The following AMER2 variants were observed in gnomAD, a reference collection of about 807,000 sequenced individuals.
AMER2 encodes family with sequence similarity 123A.
In AMER2, 1 loss-of-function variant was observed where a neutral mutation model predicts 4.7. The ratio of observed to expected loss-of-function variants is 0.21; its 90% CI spans 0.07 to 1.00. AMER2 has a LOEUF of 1.00. Ranked by LOEUF, AMER2 falls within the 50% of genes least tolerant of loss-of-function variation. AMER2 has a pLI of 0.60. For missense variants in AMER2, 988 were observed against 966.9 expected (o/e 1.02, Z -0.29); for synonymous variants, 485 against 433.3 (o/e 1.12, Z -1.48).
rs1397710064 is a variant in AMER2, at chr13:25,164,313, C to T, written c.*5291G>A. On this transcript the variant is annotated 3_prime_UTR_variant, in exon 1 of 1. Transcript: ENST00000515384. ...CCATGACAACAGAAGAGATTTCTGTCTGTACTTCCCACATTAATCCTAAGA... is the reference window on the plus strand; with the variant it reads ...CCATGACAACAGAAGAGATTTCTGTTTGTACTTCCCACATTAATCCTAAGA... The T allele has an allele frequency of 1.3e-5, 2 of 151,998 alleles. No individual in the cohort carries two copies. Among genetic ancestry groups the T allele is most frequent in the Non-Finnish European group, 2.9e-5 (2 of 68,012 alleles). 9.4% of individuals were successfully genotyped at this position (151,998 alleles called of 1,614,324 possible). A position where few individuals can be genotyped will look rare whatever the true frequency, so the allele number is the denominator to read the frequency against.
At position 25,171,788 on chromosome 13, in the gene AMER2, T is replaced by G; in HGVS notation, c.-169A>C. 1 of 1,283,328 alleles carries G rather than the reference T, an allele frequency of 7.8e-7. No homozygotes were observed. The highest frequency in any genetic ancestry group is 9.9e-7 in the Non-Finnish European group (1 of 1,012,270). The allele number at this position is 1,283,328 out of a possible 1,614,324, so 79.5% of individuals were successfully genotyped here. A position where few individuals can be genotyped will look rare whatever the true frequency, so the allele number is the denominator to read the frequency against. On this transcript the variant is annotated 5_prime_UTR_variant, in exon 1 of 1. Transcript: ENST00000515384. This position sits in a 1 kb window ranked among gnomAD's most constrained non-coding sequence, Gnocchi z 5.9. Reference sequence around the variant, plus strand: ...GGGCTTATATAATACCCTAACCCACTTCCATCCGACTTGGCTCGGCGCTGC... The same window carrying G: ...GGGCTTATATAATACCCTAACCCACGTCCATCCGACTTGGCTCGGCGCTGC...
chr13:25,169,876 A>G lies in AMER2; in HGVS notation c.1744T>C (p.Ser582Pro). 1 of 1,614,106 alleles carries G rather than the reference A, an allele frequency of 6.2e-7. No homozygotes were observed. The highest frequency in any genetic ancestry group is 8.5e-7 in the Non-Finnish European group (1 of 1,180,008). The part of the protein sequence containing the change: ...GKDNEETSSL[S>P]RLKPVSPGTI... Reference sequence around the variant, plus strand: ...CCTGGAGATACGGGCTTTAACCGGGACAGGGAGGACGTCTCCTCGTTGTCC... The same window carrying G: ...CCTGGAGATACGGGCTTTAACCGGGGCAGGGAGGACGTCTCCTCGTTGTCC... The change falls in exon 1 of 1, where the codon TCC becomes CCC. Residue 582 changes from serine (S) to proline (P), a missense_variant. Transcript: ENST00000515384. This position sits in a 1 kb window ranked among gnomAD's most constrained non-coding sequence, Gnocchi z 4.2.
rs1956461327 is a variant in AMER2, at chr13:25,165,133, A to G, written c.*4471T>C. ...GAAGGAACTCCTTTCCGTAATCACG[A>G]AACTATCATTCTGAATCACCTCTTA... On this transcript the variant is annotated 3_prime_UTR_variant, in exon 1 of 1. Coordinates refer to ENST00000515384, the MANE Select transcript of AMER2 (RefSeq NM_152704.4). The G allele has an allele frequency of 6.6e-6, 1 of 152,250 alleles. No individual in the cohort carries two copies. Among genetic ancestry groups the G allele is most frequent in the Non-Finnish European group, 1.5e-5 (1 of 68,036 alleles). 9.4% of individuals were successfully genotyped at this position (152,250 alleles called of 1,614,324 possible). A position where few individuals can be genotyped will look rare whatever the true frequency, so the allele number is the denominator to read the frequency against.
rs1159102290 is a variant in AMER2, at chr13:25,167,518, G to A, written c.*2086C>T. ...TTTGTCTGTTAGTCTGTACACAGTT[G>A]AGTGCATGAGCACGTGAGTGTGAGA... On this transcript the variant is annotated 3_prime_UTR_variant, in exon 1 of 1. Coordinates refer to ENST00000515384, the MANE Select transcript of AMER2 (RefSeq NM_152704.4). 1 of 152,142 alleles carries A rather than the reference G, an allele frequency of 6.6e-6. No homozygotes were observed. The highest frequency in any genetic ancestry group is 1.5e-5 in the Non-Finnish European group (1 of 67,996). 9.4% of individuals were successfully genotyped at this position (152,142 alleles called of 1,614,324 possible). A position where few individuals can be genotyped will look rare whatever the true frequency, so the allele number is the denominator to read the frequency against.
rs1309944855 is a variant in AMER2, at chr13:25,162,578, T to G, written c.*7026A>C. 1.3e-5 allele frequency: 2 copies of G among 152,218 alleles called. No homozygotes were observed. Among genetic ancestry groups the G allele is most frequent in the African/African-American group, 4.8e-5 (2 of 41,444 alleles). 9.4% of individuals were successfully genotyped at this position (152,218 alleles called of 1,614,324 possible). On this transcript the variant is annotated 3_prime_UTR_variant, in exon 1 of 1. Transcript: ENST00000515384. The stretch of plus-strand genomic sequence containing the variant: ...GTTTCATTGATTCCTTCAGGCCACC[T>G]GGAGCCATTTCAAGGCAAGTGAACA...
chr13:25,171,635 T>C lies in AMER2; in HGVS notation c.-16A>G. 6.8e-7 allele frequency: 1 copy of C among 1,462,968 alleles called. No individual in the cohort carries two copies. The highest frequency in any genetic ancestry group is 8.9e-7 in the Non-Finnish European group (1 of 1,120,014). The allele number at this position is 1,462,968 out of a possible 1,614,324, so 90.6% of individuals were successfully genotyped here. A position where few individuals can be genotyped will look rare whatever the true frequency, so the allele number is the denominator to read the frequency against. ...TCGTCTCCATGGAAACCGCGCGGGA[T>C]AAGCCGCTTTCGTCAGCAGTGGGCT... On this transcript the variant is annotated 5_prime_UTR_variant, in exon 1 of 1. Coordinates refer to ENST00000515384, the MANE Select transcript of AMER2 (RefSeq NM_152704.4). The surrounding 1 kb of genome is among the most constrained non-coding windows in gnomAD (Gnocchi z 5.9).
At position 25,171,846 on chromosome 13, in the gene AMER2, G is replaced by A. The variant is rs1956589361; in HGVS notation, c.-227C>T. 1.3e-6 allele frequency: 1 copy of A among 770,520 alleles called. No individual in the cohort carries two copies. The highest frequency in any genetic ancestry group is 4.3e-5 in the Admixed American group (1 of 23,234). 47.7% of individuals were successfully genotyped at this position (770,520 alleles called of 1,614,324 possible). On this transcript the variant is annotated 5_prime_UTR_variant, in exon 1 of 1. Transcript: ENST00000515384. This position sits in a 1 kb window ranked among gnomAD's most constrained non-coding sequence, Gnocchi z 5.9. ...TTTTGTGGCAGGAGCAGGCAACACAGCCGCGAGCTGATTGCAGAAATTCGA... is the reference window on the plus strand; with the variant it reads ...TTTTGTGGCAGGAGCAGGCAACACAACCGCGAGCTGATTGCAGAAATTCGA...
In AMER2 at chr13:25,164,630, A is replaced by T. The variant is rs1231480144; in HGVS notation, c.*4974T>A. The T allele has an allele frequency of 6.7e-6, 1 of 149,574 alleles. No homozygotes were observed. The highest frequency in any genetic ancestry group is 6.8e-5 in the Admixed American group (1 of 14,810). 9.3% of individuals were successfully genotyped at this position (149,574 alleles called of 1,614,324 possible). Reference sequence around the variant, plus strand: ...ATGGAAAGGGATAGAAACAAAAAGGATGAATTAAAGCTGTCTTACTGGGGA... The same window carrying T: ...ATGGAAAGGGATAGAAACAAAAAGGTTGAATTAAAGCTGTCTTACTGGGGA... On this transcript the variant is annotated 3_prime_UTR_variant, in exon 1 of 1. Coordinates refer to ENST00000515384, the MANE Select transcript of AMER2 (RefSeq NM_152704.4).
rs2137435830 is a variant in AMER2 at position 25,166,843 on chromosome 13, A to G, written c.*2761T>C. 1 of 152,298 alleles carries G rather than the reference A, an allele frequency of 6.6e-6. No individual in the cohort carries two copies. The allele number at this position is 152,298 out of a possible 1,614,324, so 9.4% of individuals were successfully genotyped here. A position where few individuals can be genotyped will look rare whatever the true frequency, so the allele number is the denominator to read the frequency against. ...ACTATGATCCCTTTTCTATGGTTGGAAAAAGTTGAGAATCTACTCTTCCTG... is the reference window on the plus strand; with the variant it reads ...ACTATGATCCCTTTTCTATGGTTGGGAAAAGTTGAGAATCTACTCTTCCTG... On this transcript the variant is annotated 3_prime_UTR_variant, in exon 1 of 1. Coordinates refer to ENST00000515384, the MANE Select transcript of AMER2 (RefSeq NM_152704.4).
At position 25,169,639 on chromosome 13, in the gene AMER2, C is replaced by T; in HGVS notation, c.1981G>A (p.Ala661Thr). 1.9e-6 allele frequency: 3 copies of T among 1,607,874 alleles called. No homozygotes were observed. The highest frequency in any genetic ancestry group is 2.5e-6 in the Non-Finnish European group (3 of 1,176,750). Reference sequence around the variant, plus strand: ...TTGGCACTGTCGTGGCAGGCCGTTGCTCTGATGGTGGTCCCAGCCAAGCCC... The same window carrying T: ...TTGGCACTGTCGTGGCAGGCCGTTGTTCTGATGGTGGTCCCAGCCAAGCCC... ...NRGLAGTTIR[A>T]TACHDSAKKL Residue 661 changes from alanine to threonine, a missense_variant, in exon 1 of 1, where the codon GCA becomes ACA. Transcript: ENST00000515384. This position sits in a 1 kb window ranked among gnomAD's most constrained non-coding sequence, Gnocchi z 4.2.
In AMER2 at chr13:25,165,789, A is replaced by G. The variant is rs1304925656; in HGVS notation, c.*3815T>C. The G allele has an allele frequency of 6.6e-6, 1 of 152,270 alleles. No individual in the cohort carries two copies. Among genetic ancestry groups the G allele is most frequent in the African/African-American group, 2.4e-5 (1 of 41,466 alleles). The allele number at this position is 152,270 out of a possible 1,614,324, so 9.4% of individuals were successfully genotyped here. On this transcript the variant is annotated 3_prime_UTR_variant, in exon 1 of 1. Transcript: ENST00000515384. Reference sequence around the variant, plus strand: ...GCCCAGCATCAGGGGAGCCAAATCCATATATTTGTAATTCAGGAGAAAAAT... The same window carrying G: ...GCCCAGCATCAGGGGAGCCAAATCCGTATATTTGTAATTCAGGAGAAAAAT...
In AMER2 at chr13:25,163,029, T is replaced by C. The variant is rs1956427766; in HGVS notation, c.*6575A>G. 1.3e-5 allele frequency: 2 copies of C among 152,306 alleles called. No homozygotes were observed. Among genetic ancestry groups the C allele is most frequent in the South Asian group, 2.1e-4 (1 of 4,822 alleles). The allele number at this position is 152,306 out of a possible 1,614,324, so 9.4% of individuals were successfully genotyped here. On this transcript the variant is annotated 3_prime_UTR_variant, in exon 1 of 1. Transcript: ENST00000515384. ...GAATGAGTTAATGAATCAGAAAATG[T>C]AGGACAGGATTCAGTGGCTGTAGAC...
In AMER2 at chr13:25,171,434, C is replaced by T. The variant is rs1259715708; in HGVS notation, c.186G>A (p.Lys62=). 2 of 1,612,868 alleles carry T rather than the reference C, an allele frequency of 1.2e-6. No individual in the cohort carries two copies. Among genetic ancestry groups the T allele is most frequent in the Non-Finnish European group, 1.7e-6 (2 of 1,179,604 alleles). ...ETPAAEPPSG[K]INKAAFKLFK... The stretch of plus-strand genomic sequence containing the variant: ...ATAATTTGAAGGCAGCTTTATTAAT[C>T]TTCCCCGACGGCGGCTCGGCGGCCG... The change falls in exon 1 of 1, where the codon AAG becomes AAA. Residue 62 remains lysine (K), a synonymous_variant. Coordinates refer to ENST00000515384, the MANE Select transcript of AMER2 (RefSeq NM_152704.4). This position sits in a 1 kb window ranked among gnomAD's most constrained non-coding sequence, Gnocchi z 5.9.
In AMER2 at chr13:25,166,313, T is replaced by C. The variant is rs1004014008; in HGVS notation, c.*3291A>G. 2 of 152,254 alleles carry C rather than the reference T, an allele frequency of 1.3e-5. No individual in the cohort carries two copies. Among genetic ancestry groups the C allele is most frequent in the Non-Finnish European group, 2.9e-5 (2 of 68,046 alleles). The allele number at this position is 152,254 out of a possible 1,614,324, so 9.4% of individuals were successfully genotyped here. On this transcript the variant is annotated 3_prime_UTR_variant, in exon 1 of 1. Transcript: ENST00000515384. Reference sequence around the variant, plus strand: ...AGGAAGTCCTTTGTATTCTATATTCTATTGTTGTTATTAGATAAAATAATA... The same window carrying C: ...AGGAAGTCCTTTGTATTCTATATTCCATTGTTGTTATTAGATAAAATAATA...
rs753581586 is a variant in AMER2 at position 25,171,553 on chromosome 13, C to A, written c.67G>T (p.Val23Leu). The A allele has an allele frequency of 2.5e-6, 4 of 1,575,662 alleles. No homozygotes were observed. The highest frequency in any genetic ancestry group is 2.6e-6 in the Non-Finnish European group (3 of 1,168,988). Reference protein sequence around the residue: ...VSERGGAGASVGVCRRKAEAG... With the variant: ...VSERGGAGASLGVCRRKAEAG... ...TCCGCCTTCCTCCTGCAGACCCCCA[C>A]GGACGCGCCAGCTCCGCCGCGCTCG... Residue 23 changes from valine to leucine, a missense_variant, in exon 1 of 1, where the codon GTG (valine) becomes TTG (leucine). Coordinates refer to ENST00000515384, the MANE Select transcript of AMER2 (RefSeq NM_152704.4). This position sits in a 1 kb window ranked among gnomAD's most constrained non-coding sequence, Gnocchi z 5.9.
chr13:25,170,896 G>A lies in AMER2; in HGVS notation c.724C>T (p.Pro242Ser), dbSNP rs1438931764. 1.4e-6 allele frequency: 2 copies of A among 1,470,770 alleles called. No individual in the cohort carries two copies. Among genetic ancestry groups the A allele is most frequent in the South Asian group, 2.8e-5 (2 of 72,118 alleles). 91.1% of individuals were successfully genotyped at this position (1,470,770 alleles called of 1,614,324 possible). A position where few individuals can be genotyped will look rare whatever the true frequency, so the allele number is the denominator to read the frequency against. Residue 242 changes from proline (P) to serine (S), a missense_variant, in exon 1 of 1, where the codon CCC becomes TCC. Coordinates refer to ENST00000515384, the MANE Select transcript of AMER2 (RefSeq NM_152704.4). This position sits in a 1 kb window ranked among gnomAD's most constrained non-coding sequence, Gnocchi z 7.3. ...ASLECVKEET[P>S]RAAREPEEPS... ...TCCTCCGGCTCGCGCGCGGCTCTGG[G>A]CGTCTCCTCCTTGACGCACTCCAGG...
Position 25,166,355 on chromosome 13 carries a change from T to C in AMER2, c.*3249A>G, listed in dbSNP as rs2137435050. The C allele has an allele frequency of 6.6e-6, 1 of 152,324 alleles. No homozygotes were observed. Among genetic ancestry groups the C allele is most frequent in the South Asian group, 2.1e-4 (1 of 4,824 alleles). 9.4% of individuals were successfully genotyped at this position (152,324 alleles called of 1,614,324 possible). A position where few individuals can be genotyped will look rare whatever the true frequency, so the allele number is the denominator to read the frequency against. On this transcript the variant is annotated 3_prime_UTR_variant, in exon 1 of 1. Coordinates refer to ENST00000515384, the MANE Select transcript of AMER2 (RefSeq NM_152704.4). ...AAAATAATAGAAATCTATTTACTCTTGTGATTATTTAAAATGCTGTAGTAA... is the reference window on the plus strand; with the variant it reads ...AAAATAATAGAAATCTATTTACTCTCGTGATTATTTAAAATGCTGTAGTAA...
chr13:25,168,065 T>G lies in AMER2; in HGVS notation c.*1539A>C, dbSNP rs937023621. ...GCTCTGGTCTTTTGATTAAATACAC[T>G]GAAGTGTATTTCAAAAAGGATATTA... On this transcript the variant is annotated 3_prime_UTR_variant, in exon 1 of 1. Transcript: ENST00000515384. 4 of 152,184 alleles carry G rather than the reference T, an allele frequency of 2.6e-5. No individual in the cohort carries two copies. Among genetic ancestry groups the G allele is most frequent in the African/African-American group, 9.7e-5 (4 of 41,448 alleles). 9.4% of individuals were successfully genotyped at this position (152,184 alleles called of 1,614,324 possible).
chr13:25,169,434 G>A lies in AMER2; in HGVS notation c.*170C>T, dbSNP rs1956520599. The A allele has an allele frequency of 2.7e-6, 2 of 748,820 alleles. No individual in the cohort carries two copies. Among genetic ancestry groups the A allele is most frequent in the South Asian group, 2.7e-5 (1 of 37,590 alleles). 46.4% of individuals were successfully genotyped at this position (748,820 alleles called of 1,614,324 possible). A position where few individuals can be genotyped will look rare whatever the true frequency, so the allele number is the denominator to read the frequency against. On this transcript the variant is annotated 3_prime_UTR_variant, in exon 1 of 1. Transcript: ENST00000515384. The surrounding 1 kb of genome is among the most constrained non-coding windows in gnomAD (Gnocchi z 4.2). ...AGCATCCCTCTTTCTGGTGTTATCC[G>A]GTCCCTGCTCAGGGCACAAAGACCT...
Sources: allele counts gnomAD v4.1 joint callset, GRCh38; gene constraint gnomAD v4.1.1; non-coding constraint Gnocchi (gnomAD v3.1); transcripts MANE v1.5; gene names NCBI Gene and HGNC (gene_info 2026-07-23, HGNC 2026-07-21).